Variants in SLC12A7 observed in about 807,000 individuals in gnomAD.
SLC12A7 encodes the protein K-Cl cotransporter 4.
Under a neutral mutation model 120.6 loss-of-function variants are expected in SLC12A7, and 100 were observed. That is an observed-to-expected ratio of 0.83 (90% CI 0.71 to 0.98). The LOEUF is 0.98. Among genes scored for constraint, SLC12A7 ranks in the 50% least tolerant of loss-of-function variants. SLC12A7 has a pLI of 0.00. For synonymous variants in SLC12A7, 760 were observed against 678.0 expected (o/e 1.12, Z -1.88); for missense variants, 1,373 against 1,548.1 (o/e 0.89, Z 1.90).
chr5:1,088,887 C>T (rs972938862), intron 4 of SLC12A7, 95 bp downstream of exon 4: 7 of 1,527,100 alleles, frequency 4.6e-6, no homozygotes, highest in Non-Finnish European at 5.4e-6. Context: ...GAAGGCACAA[C>T]CACAGCGGCC....
the SLC12A7 span, among the ~76,000 whole-genome samples, chr5:1,141,825 A>G: frequency 1.3e-5 from 2 of 152,188 alleles, no homozygotes; most frequent in Non-Finnish European, 2.9e-5. Flanking sequence ...TCGCCGGGAC[A>G]GATCAACAGA....
the SLC12A7 span, among the ~76,000 whole-genome samples, chr5:1,145,014 G>A: frequency 1.3e-5 from 2 of 152,266 alleles, no homozygotes; most frequent in Non-Finnish European, 2.9e-5. This position sits in a 1 kb window ranked among gnomAD's most constrained non-coding sequence, Gnocchi z 4.4. Flanking sequence ...TGGACCAACC[G>A]GGCCGGGGCT....
At chr5:1,079,301 T>A (rs1482585903) in intron 10 of SLC12A7, 97 bp downstream of exon 10, 1 of 934,814 alleles carries the variant, frequency 1.1e-6, no homozygotes, top group Admixed American at 1.9e-5. Context: ...GGAAGTCACA[T>A]GCTGGTGGCC....
At chr5:1,067,894 G>GGGGACCCTGTTATCACAAGTCAGCACCA (rs1427253957) in intron 17 of SLC12A7, among the ~76,000 whole-genome samples, 1 of 146,036 alleles carries the variant, frequency 6.8e-6, no homozygotes, top group Non-Finnish European at 1.5e-5. Context: ...AGTCAGCACC[G>GGGGACCCTGTTATCACAAGTCAGCACCA]TGTCGGGGAC....
chr5:1,114,314 T>C (rs1035647453), upstream of SLC12A7, among the ~76,000 whole-genome samples: 5 of 151,918 alleles, frequency 3.3e-5, no homozygotes, highest in Middle Eastern at 3.2e-3. Flanking sequence ...GGGTGGGGGG[T>C]GAGGTCTGCT....
At chr5:1,069,820 T>C (rs895770977) in intron 17 of SLC12A7, among the ~76,000 whole-genome samples, 10 of 152,040 alleles carry the variant, frequency 6.6e-5, no homozygotes, top group African/African-American at 1.9e-4. Flanking sequence ...AGTTTGAAAA[T>C]CAGAGAAATG....
the SLC12A7 span, among the ~76,000 whole-genome samples, chr5:1,132,070 T>C: frequency 1.3e-5 from 2 of 152,310 alleles, no homozygotes; most frequent in East Asian, 3.9e-4. Context: ...GTTAAAACCT[T>C]ATTAATAAAA....
chr5:1,107,114 T>C (rs1445586816), intron 1 of SLC12A7, among the ~76,000 whole-genome samples: 1 of 152,254 alleles, frequency 6.6e-6, no homozygotes, highest in Non-Finnish European at 1.5e-5. Flanking sequence ...TGCCTGCCTC[T>C]TATCTGCCCT....
intron 23 of SLC12A7, 120 bp downstream of exon 23, chr5:1,053,229 C>T: frequency 7.6e-7 from 1 of 1,320,208 alleles, no homozygotes; most frequent in Non-Finnish European, 1.0e-6. Context: ...CTCCCAGAGC[C>T]TGGGGCTGAA....
At chr5:1,098,277 A>T (rs189810101) in intron 1 of SLC12A7, among the ~76,000 whole-genome samples, 306 of 1,678 alleles carry the variant, frequency 0.18, 90 homozygotes, top group Middle Eastern at 0.5. Flanking sequence ...CCAGGCCCCC[A>T]CAACCCTCTG....
At chr5:1,087,333 G>A (rs922337238) in intron 5 of SLC12A7, among the ~76,000 whole-genome samples, 3 of 152,190 alleles carry the variant, frequency 2.0e-5, no homozygotes, top group East Asian at 3.9e-4. Context: ...AAAAAGTCCC[G>A]CGTACATCAG....
chr5:1,083,015 C>T (rs527625079), intron 8 of SLC12A7, among the ~76,000 whole-genome samples: 2 of 149,404 alleles, frequency 1.3e-5, no homozygotes, highest in East Asian at 2.0e-4. Context: ...ATCTCAGGTT[C>T]TGGAAAGCCT....
intron 1 of SLC12A7, among the ~76,000 whole-genome samples, chr5:1,106,321 T>C (rs2150907977): frequency 6.6e-6 from 1 of 152,064 alleles, no homozygotes; most frequent in African/African-American, 2.4e-5. Flanking sequence ...GGCGCGGTGG[T>C]GCGTGCCTGT....
chr5:1,120,664 GC>G, the SLC12A7 span, among the ~76,000 whole-genome samples: 3 of 152,224 alleles, frequency 2.0e-5, no homozygotes, highest in Non-Finnish European at 4.4e-5. Flanking sequence ...ACTGGACACA[GC>G]CCACATTCCC....
intron 16 of SLC12A7, 122 bp downstream of exon 16, chr5:1,074,445 A>T (rs12523242): frequency 2.3e-6 from 2 of 875,956 alleles, no homozygotes; most frequent in Non-Finnish European, 1.8e-6. Flanking sequence ...TTCACACCCC[A>T]GACCTTGCCT....
rs757180077 is a variant in SLC12A7 at position 1,093,659 on chromosome 5, C to T, written c.220-4G>A. The T allele has an allele frequency of 9.9e-6, 16 of 1,612,650 alleles. No individual in the cohort carries two copies. Among genetic ancestry groups the T allele is most frequent in the Middle Eastern group, 3.3e-4 (2 of 6,074 alleles). On this transcript the variant is annotated splice_polypyrimidine_tract_variant and splice_region_variant and intron_variant, in intron 2 of 23. Coordinates refer to ENST00000264930, the MANE Select transcript of SLC12A7 (RefSeq NM_006598.3). ...TGGGGTTACTGTCCATCTCCTCCTG[C>T]GCGGCGTGGACATGGTCACAGGCGG...
intron 3 of SLC12A7, among the ~76,000 whole-genome samples, chr5:1,092,585 C>G (rs529438787): frequency 3.3e-5 from 5 of 152,170 alleles, no homozygotes; most frequent in Admixed American, 1.3e-4. Context: ...AAAAAGCCAA[C>G]GTATGCCCTT....
At chr5:1,119,461 C>T in the SLC12A7 span, among the ~76,000 whole-genome samples, 1 of 152,254 alleles carries the variant, frequency 6.6e-6, no homozygotes, top group African/African-American at 2.4e-5. Context: ...CCGGGTGACG[C>T]CGAGGTTACA....
chr5:1,142,190 C>G, the SLC12A7 span, among the ~76,000 whole-genome samples: 2 of 151,904 alleles, frequency 1.3e-5, no homozygotes, highest in Non-Finnish European at 2.9e-5. Context: ...AGCCCAGACG[C>G]TCCACAGGGC....
Sources: allele counts gnomAD v4.1 joint callset (sites outside exome capture counted in the v4.1 genomes callset), GRCh38; gene constraint gnomAD v4.1.1; non-coding constraint Gnocchi (gnomAD v3.1); transcripts MANE v1.5; gene names NCBI Gene and HGNC (gene_info 2026-07-23, HGNC 2026-07-21).